The following EIF2AK4 variants were observed in gnomAD, a reference collection of about 807,000 sequenced individuals.
The protein encoded by EIF2AK4 is eukaryotic translation initiation factor 2 alpha kinase 4.
A neutral mutation model predicts 211.1 loss-of-function variants in EIF2AK4; 139 were observed. The observed-to-expected ratio is 0.66, with a 90% CI of 0.57 to 0.76. EIF2AK4 has a LOEUF of 0.76. Among genes scored for constraint, EIF2AK4 ranks in the 30% least tolerant of loss-of-function variants. EIF2AK4 has a pLI of 0.00. For missense variants in EIF2AK4, 1,664 were observed against 2,043.8 expected (o/e 0.81, Z 3.58); for synonymous variants, 710 against 751.3 (o/e 0.94, Z 0.90).
chr15:40,022,347 T>C, intron 31 of EIF2AK4, 172 bp from the exon 32 acceptor site: 1 of 569,748 alleles, frequency 1.8e-6, no homozygotes, highest in Non-Finnish European at 3.0e-6. Flanking sequence ...GCCTTGTTCC[T>C]CCCTTGAATT....
At chr15:39,985,429 C>G (rs918912393) in intron 13 of EIF2AK4, among the ~76,000 whole-genome samples, 7 of 152,084 alleles carry the variant, frequency 4.6e-5, no homozygotes, top group Non-Finnish European at 1.0e-4. Context: ...ATGGTACCAG[C>G]TTTTCTAACT....
chr15:39,935,614 G>C (rs2034054010), intron 1 of EIF2AK4, among the ~76,000 whole-genome samples: 1 of 151,860 alleles, frequency 6.6e-6, no homozygotes, highest in Non-Finnish European at 1.5e-5. Flanking sequence ...TACAGGTGTG[G>C]GCCACCGCGC....
At position 40,025,984 on chromosome 15, in the gene EIF2AK4, C is replaced by A. The variant is rs1157640532; in HGVS notation, c.4397C>A (p.Ser1466Tyr). 9.9e-6 allele frequency: 16 copies of A among 1,613,842 alleles called. No individual in the cohort carries two copies. The highest frequency in any genetic ancestry group is 1.3e-5 in the African/African-American group (1 of 74,908). Residue 1466 changes from serine (S) to tyrosine (Y), a missense_variant, in exon 33 of 39, where the codon TCT (serine) becomes TAT (tyrosine). Ser to Tyr is a moderately radical substitution (Grantham distance 144, BLOSUM62 -2). This residue lies in a region of EIF2AK4 where 16 missense variants were observed against 47.0 expected (regional missense o/e 0.34). Coordinates refer to ENST00000263791, the MANE Select transcript of EIF2AK4 (RefSeq NM_001013703.4). Reference protein sequence around the residue: ...DKEGSHVKVKSFEKERQTEKR... With the variant: ...DKEGSHVKVKYFEKERQTEKR... ...CGTTTCATTCTTTTTAAGGTTAAGT[C>A]TTTCGAGAAGGAAAGGCAGACAGAG...
intron 33 of EIF2AK4, among the ~76,000 whole-genome samples, chr15:40,028,078 C>G (rs1471278713): frequency 7.6e-6 from 1 of 131,000 alleles, no homozygotes; most frequent in Non-Finnish European, 1.7e-5. Flanking sequence ...ATTTGCAACT[C>G]CTTTTTTTTT....
chr15:40,001,105 G>A lies in EIF2AK4; in HGVS notation c.3040G>A (p.Val1014Met). 1 of 1,614,194 alleles carries A rather than the reference G, an allele frequency of 6.2e-7. No homozygotes were observed. The highest frequency in any genetic ancestry group is 8.5e-7 in the Non-Finnish European group (1 of 1,180,022). ...GATGGAGGAGTCAGAGCTGCATGAA[G>A]TGCTGCACCACACGCTGACCAACGT... ...PQMEESELHE[V>M]LHHTLTNVDG... The change falls in exon 21 of 39, where the codon GTG becomes ATG. Residue 1014 changes from valine to methionine, a missense_variant. Physicochemically the swap from Val to Met is conservative, Grantham distance 21. Transcript: ENST00000263791.
At chr15:40,014,622 T>G (rs1376852184) in intron 27 of EIF2AK4, among the ~76,000 whole-genome samples, 1 of 152,230 alleles carries the variant, frequency 6.6e-6, no homozygotes, top group Non-Finnish European at 1.5e-5. Flanking sequence ...CTCCTAGGCC[T>G]CCAGGCCTGT....
chr15:39,992,770 T>G lies in EIF2AK4; in HGVS notation c.2688T>G (p.Gly896=), dbSNP rs1021005060. ...TGDLIKSDPS[G]HLTGMVGTAL... is the part of the protein sequence containing the mutation. ...TTCCCTCTGTTTTCCTCCACACAGG[T>G]CACTTAACTGGGATGGTTGGCACTG... Residue 896 remains glycine (G), a splice_region_variant and synonymous_variant, in exon 18 of 39, where the codon GGT becomes GGG. Transcript: ENST00000263791. The G allele has an allele frequency of 1.2e-6, 2 of 1,613,966 alleles. No homozygotes were observed. The highest frequency in any genetic ancestry group is 1.7e-6 in the Non-Finnish European group (2 of 1,179,966).
At chr15:40,022,204 GTGTGTGTGTGTA>G (rs796295268) in intron 31 of EIF2AK4, 12 of 229,488 alleles carry the variant, frequency 5.2e-5, no homozygotes, top group East Asian at 2.6e-4. Context: ...GTGTGTGTGT[GTGTGTGTGTGTA>G]TGTTGTGTTG....
intron 37 of EIF2AK4, 31 bp downstream of exon 37, chr15:40,032,832 C>T (rs2035561326): frequency 1.3e-6 from 2 of 1,583,254 alleles, no homozygotes; most frequent in African/African-American, 1.4e-5. Context: ...TGCACTGTGG[C>T]CTTTAAGATC....
chr15:40,006,932 G>C (rs2035169946), intron 23 of EIF2AK4, 84 bp from the exon 24 acceptor site: 2 of 1,061,568 alleles, frequency 1.9e-6, no homozygotes, highest in Non-Finnish European at 2.8e-6. Context: ...GAACTTTATG[G>C]GACAGGAGTT....
chr15:40,026,865 C>A (rs1027701349), intron 33 of EIF2AK4, among the ~76,000 whole-genome samples: 4 of 151,984 alleles, frequency 2.6e-5, no homozygotes, highest in African/African-American at 9.7e-5. Context: ...TAAATTGACC[C>A]AGCAATTCCA....
At chr15:40,025,203 T>G (rs1184957101) in intron 32 of EIF2AK4, among the ~76,000 whole-genome samples, 2 of 152,216 alleles carry the variant, frequency 1.3e-5, no homozygotes, top group African/African-American at 4.8e-5. Context: ...TAGTCTATTT[T>G]GGGTGAGACA....
chr15:39,955,599 G>C, intron 5 of EIF2AK4, 21 bp from the exon 6 acceptor site: 1 of 1,591,966 alleles, frequency 6.3e-7, no homozygotes, highest in Non-Finnish European at 8.5e-7. Context: ...TCTAAAGTAA[G>C]TTTTACTTTT....
chr15:39,961,986 T>C (rs1457453638), intron 7 of EIF2AK4, 87 bp downstream of exon 7: 11 of 1,018,486 alleles, frequency 1.1e-5, no homozygotes, highest in Non-Finnish European at 3.0e-6. Context: ...ACTGTGTCAT[T>C]CAGACCAGTG....
intron 1 of EIF2AK4, among the ~76,000 whole-genome samples, chr15:39,935,095 T>C (rs968042144): frequency 7.9e-5 from 12 of 152,176 alleles, no homozygotes; most frequent in Admixed American, 5.9e-4. Context: ...AGTTTACGAA[T>C]GCGTGTTGGG....
At chr15:39,935,092 G>A (rs981708759) in intron 1 of EIF2AK4, among the ~76,000 whole-genome samples, 8 of 152,142 alleles carry the variant, frequency 5.3e-5, no homozygotes, top group African/African-American at 1.4e-4. Context: ...GAAAGTTTAC[G>A]AATGCGTGTT....
chr15:39,992,716 T>A lies in EIF2AK4; in HGVS notation c.2687-53T>A. On this transcript the variant is annotated intron_variant, in intron 17 of 38. Transcript: ENST00000263791. ...AACCTTTTTTTGTTTTTAGTTTGTG[T>A]CTTCTGTAAGTGCTATTATTGGGAC... is the stretch of plus-strand genomic sequence containing the variant. 2.0e-6 allele frequency: 3 copies of A among 1,506,096 alleles called. No homozygotes were observed. In the South Asian group the frequency reaches 3.4e-5, roughly 17 times the overall value. The allele number at this position is 1,506,096 out of a possible 1,614,324, so 93.3% of individuals were successfully genotyped here.
intron 26 of EIF2AK4, among the ~76,000 whole-genome samples, chr15:40,010,941 G>A (rs1213241288): frequency 6.6e-6 from 1 of 152,158 alleles, no homozygotes; most frequent in African/African-American, 2.4e-5. Context: ...CCCAGAGCCT[G>A]GCCTTTGTTA....
At chr15:39,998,668 TGAATAA>T in intron 19 of EIF2AK4, 57 bp from the exon 20 acceptor site, 1 of 1,282,394 alleles carries the variant, frequency 7.8e-7, no homozygotes, top group East Asian at 2.3e-5. Context: ...TTACTTATGG[TGAATAA>T]ATGCTTTCAC....
Sources: allele counts gnomAD v4.1 joint callset (sites outside exome capture counted in the v4.1 genomes callset), GRCh38; gene constraint gnomAD v4.1.1; regional missense constraint gnomAD v4.1.1; transcripts MANE v1.5; gene names NCBI Gene and HGNC (gene_info 2026-07-23, HGNC 2026-07-21).